The following KCNH7 variants were observed in gnomAD, a reference collection of about 807,000 sequenced individuals.
KCNH7 encodes the protein potassium voltage-gated channel subfamily H member 7.
A neutral mutation model predicts 120.8 loss-of-function variants in KCNH7; 49 were observed. The observed-to-expected ratio is 0.41, with a 90% CI of 0.32 to 0.51. The LOEUF (loss-of-function observed/expected upper bound fraction) is 0.51, where lower values mean the gene tolerates loss of function less well. Among genes scored for constraint, KCNH7 ranks in the 20% least tolerant of loss-of-function variants. The pLI is 0.38. For synonymous variants in KCNH7, 547 were observed against 516.1 expected (o/e 1.06, Z -0.81); for missense variants, 1,097 against 1,446.6 (o/e 0.76, Z 3.92).
chr2:162,422,043 T>G (rs1451565094), intron 9 of KCNH7, among the ~76,000 whole-genome samples: 2 of 152,138 alleles, frequency 1.3e-5, no homozygotes, highest in African/African-American at 4.8e-5. Flanking sequence ...TAAAGTGTTC[T>G]TTTGGGGGAT....
rs558020158 is a variant in KCNH7 at position 162,595,016 on chromosome 2, A to G, written c.308-57936T>C. Among the ~76,000 whole-genome samples, 214 of 152,206 alleles carry G rather than the reference A, an allele frequency of 1.4e-3. 1 individual carries two copies. The highest frequency in any genetic ancestry group is 2.0e-3 in the Non-Finnish European group (138 of 67,966). ...ATGTAAATCAATGAATGTGTGTATT[A>G]GCCCATTCTCACACCCAAGACTGGC... On this transcript the variant is annotated intron_variant, in intron 2 of 15. Transcript: ENST00000332142.
At chr2:162,392,788 G>T (rs1461680567) in intron 12 of KCNH7, among the ~76,000 whole-genome samples, 2 of 151,912 alleles carry the variant, frequency 1.3e-5, no homozygotes, top group Non-Finnish European at 2.9e-5. Context: ...TATGAAATAA[G>T]ACTGAAGAGG....
chr2:162,618,208 G>A (rs369542118), intron 2 of KCNH7, among the ~76,000 whole-genome samples: 1 of 151,968 alleles, frequency 6.6e-6, no homozygotes, highest in Non-Finnish European at 1.5e-5. Context: ...ATAGATTATT[G>A]CAGCTTGAAG....
At chr2:162,593,853 C>G (rs948062490) in intron 2 of KCNH7, among the ~76,000 whole-genome samples, 3 of 151,964 alleles carry the variant, frequency 2.0e-5, no homozygotes, top group Non-Finnish European at 4.4e-5. Context: ...ACATGGGACT[C>G]AAAGGAAATA....
chr2:162,408,419 T>C (rs537449707), intron 9 of KCNH7, among the ~76,000 whole-genome samples: 1 of 152,066 alleles, frequency 6.6e-6, no homozygotes, highest in Non-Finnish European at 1.5e-5. Context: ...ACCTAACAAA[T>C]TCCCCTCCTA....
intron 2 of KCNH7, among the ~76,000 whole-genome samples, chr2:162,763,633 G>C (rs923267254): frequency 6.6e-6 from 1 of 151,888 alleles, no homozygotes; most frequent in Non-Finnish European, 1.5e-5. Context: ...TGTGTTAAGA[G>C]AAATGAATGA....
At chr2:162,627,656 C>T (rs940659678) in intron 2 of KCNH7, among the ~76,000 whole-genome samples, 2 of 152,094 alleles carry the variant, frequency 1.3e-5, no homozygotes, top group South Asian at 2.1e-4. Context: ...ATACATTTGA[C>T]TTGGAATCAC....
intron 2 of KCNH7, among the ~76,000 whole-genome samples, chr2:162,734,694 G>A (rs889728877): frequency 4.8e-5 from 7 of 145,622 alleles, no homozygotes; most frequent in Non-Finnish European, 7.5e-5. Context: ...TCATTGGAGA[G>A]CATTTTTTTT....
rs534331929 is a variant in KCNH7 at position 162,573,884 on chromosome 2, G to A, written c.308-36804C>T. On this transcript the variant is annotated intron_variant, in intron 2 of 15. Transcript: ENST00000332142. ...AATCACAGTTTAATACCTATGCAAG[G>A]ACATTGTGGCATATAGTTACCAGGA... is the stretch of plus-strand genomic sequence containing the variant. Among the ~76,000 whole-genome samples, 4 of 152,028 alleles carry A rather than the reference G, an allele frequency of 2.6e-5. 1 individual carries two copies. Among genetic ancestry groups the A allele is most frequent in the Admixed American group, 2.6e-4 (4 of 15,238 alleles).
chr2:162,572,532 C>T, intron 2 of KCNH7, among the ~76,000 whole-genome samples: 1 of 79,142 alleles, frequency 1.3e-5, no homozygotes, highest in Non-Finnish European at 2.4e-5. Flanking sequence ...TTTGACCCAG[C>T]CATCCCATTA....
At chr2:162,438,202 T>C (rs114403921) in intron 7 of KCNH7, among the ~76,000 whole-genome samples, 1,617 of 152,210 alleles carry the variant, frequency 0.011, 28 homozygotes, top group African/African-American at 0.038. Flanking sequence ...CATATTGTGA[T>C]AATAAGTACT....
At chr2:162,441,146 A>T (rs963551718) in intron 7 of KCNH7, among the ~76,000 whole-genome samples, 16 of 152,268 alleles carry the variant, frequency 1.1e-4, no homozygotes, top group Admixed American at 5.2e-4. Flanking sequence ...CTAAACTCCC[A>T]AAAACCATCT....
intron 2 of KCNH7, among the ~76,000 whole-genome samples, chr2:162,540,471 C>T (rs545670879): frequency 1.1e-4 from 17 of 152,160 alleles, no homozygotes; most frequent in Middle Eastern, 6.8e-3. Flanking sequence ...AAGTTGGTGG[C>T]GTATACCTAG....
At chr2:162,740,388 G>A (rs924622341) in intron 2 of KCNH7, among the ~76,000 whole-genome samples, 3 of 152,164 alleles carry the variant, frequency 2.0e-5, no homozygotes, top group East Asian at 1.9e-4. Flanking sequence ...GTGAGCCCAC[G>A]GCTTCTTCCA....
intron 5 of KCNH7, among the ~76,000 whole-genome samples, chr2:162,507,174 A>G (rs1239073355): frequency 6.6e-6 from 1 of 151,732 alleles, no homozygotes; most frequent in Non-Finnish European, 1.5e-5. Flanking sequence ...TACACTCCTC[A>G]TGGCATTTGA....
intron 2 of KCNH7, among the ~76,000 whole-genome samples, chr2:162,617,844 G>C (rs995391696): frequency 6.6e-6 from 1 of 152,016 alleles, no homozygotes; most frequent in African/African-American, 2.4e-5. Context: ...ATCTTCTGCC[G>C]TCATTAAAAT....
At chr2:162,482,116 C>G (rs1345170951) in intron 6 of KCNH7, among the ~76,000 whole-genome samples, 1 of 152,108 alleles carries the variant, frequency 6.6e-6, no homozygotes, top group African/African-American at 2.4e-5. Flanking sequence ...TAAAAATAGA[C>G]TAAGTGCTCT....
chr2:162,386,695 T>C (rs1004419045), intron 12 of KCNH7, among the ~76,000 whole-genome samples: 3 of 151,822 alleles, frequency 2.0e-5, no homozygotes, highest in Non-Finnish European at 4.4e-5. Context: ...CCAATCAAGG[T>C]CTGGATAATG....
chr2:162,741,340 A>G (rs1470361868), intron 2 of KCNH7, among the ~76,000 whole-genome samples: 2 of 149,780 alleles, frequency 1.3e-5, no homozygotes, highest in African/African-American at 4.9e-5. Context: ...TATGTTATTA[A>G]TTATACATAT....
Sources: gnomAD v4.1 joint callset for allele counts (sites outside exome capture counted in the v4.1 genomes callset) on GRCh38, gnomAD v4.1.1 for gene constraint, MANE v1.5 for transcripts, NCBI Gene and HGNC (gene_info 2026-07-23, HGNC 2026-07-21) for gene names.